Variants in RFC3 observed in about 807,000 individuals in gnomAD.
RFC3 encodes the protein replication factor C subunit 3, also known as A1 38 kDa subunit.
A neutral mutation model predicts 45.1 loss-of-function variants in RFC3; 41 were observed. The ratio of observed to expected loss-of-function variants is 0.91; its 90% CI spans 0.71 to 1.18. The LOEUF (loss-of-function observed/expected upper bound fraction) is 1.18, where lower values mean the gene tolerates loss of function less well. Among genes scored for constraint, RFC3 ranks in the 50% most tolerant of loss-of-function variants. The pLI, the probability that RFC3 is intolerant of heterozygous loss-of-function variation, is 0.00. For missense variants in RFC3, 423 were observed against 428.1 expected, an observed-to-expected ratio of 0.99 and a Z score of 0.10; for synonymous variants, 149 against 144.0, an observed-to-expected ratio of 1.03 and a Z score of -0.25.
chr13:33,820,113 T>C (rs1009535857), intron 1 of RFC3, among the ~76,000 whole-genome samples: 8 of 152,226 alleles, frequency 5.3e-5, no homozygotes, highest in African/African-American at 1.9e-4. Flanking sequence ...CTCCCGAGGC[T>C]AAGGTCTGTC....
chr13:33,900,503 A>G (rs1029275751), intron 8 of RFC3, among the ~76,000 whole-genome samples: 23 of 146,946 alleles, frequency 1.6e-4, no homozygotes, highest in East Asian at 1.0e-3. Flanking sequence ...CTAGATTCCT[A>G]TCTCTGTCTA....
chr13:33,920,799 T>G (rs2137732229), intron 8 of RFC3, among the ~76,000 whole-genome samples: 1 of 152,260 alleles, frequency 6.6e-6, no homozygotes, highest in East Asian at 1.9e-4. Context: ...GTACAGAATC[T>G]TTCTTCTTGG....
chr13:33,879,682 C>T (rs1369492788), intron 8 of RFC3, among the ~76,000 whole-genome samples: 1 of 152,026 alleles, frequency 6.6e-6, no homozygotes, highest in East Asian at 1.9e-4. Context: ...TTTAGGAAAC[C>T]TCTCTATTAG....
At chr13:33,869,941 C>T (rs900261004) in intron 8 of RFC3, among the ~76,000 whole-genome samples, 2 of 152,160 alleles carry the variant, frequency 1.3e-5, no homozygotes, top group African/African-American at 4.8e-5. Flanking sequence ...GTACAAATCT[C>T]GGAGAAAGAA....
intron 8 of RFC3, among the ~76,000 whole-genome samples, chr13:33,864,898 T>G (rs543166621): frequency 2.6e-5 from 4 of 152,262 alleles, no homozygotes; most frequent in Admixed American, 2.0e-4. Context: ...AGTTCTGTCT[T>G]GGACATATGA....
intron 8 of RFC3, among the ~76,000 whole-genome samples, chr13:33,857,968 G>A (rs901333384): frequency 1.9e-4 from 29 of 152,296 alleles, no homozygotes; most frequent in African/African-American, 6.5e-4. Flanking sequence ...CAGAGAAAGC[G>A]TATTTTTAAC....
chr13:33,915,206 A>G (rs1312885348), intron 8 of RFC3, among the ~76,000 whole-genome samples: 2 of 152,188 alleles, frequency 1.3e-5, no homozygotes, highest in East Asian at 1.9e-4. Flanking sequence ...CTGCTTTTCA[A>G]CAAACAGCCT....
rs146048690 is a variant in RFC3 at position 33,910,436 on chromosome 13, C to T, written c.880-55651C>T. Reference sequence around the variant, plus strand: ...ATAGTAAGCACTCATGAATGTTCATCATTGTTATTACTGACAGCTGGCTCA... The same window carrying T: ...ATAGTAAGCACTCATGAATGTTCATTATTGTTATTACTGACAGCTGGCTCA... On this transcript the variant is annotated intron_variant, in intron 8 of 8. Coordinates refer to the RFC3 transcript ENST00000434425. Among the ~76,000 whole-genome samples the T allele has an allele frequency of 2.9e-3, 435 of 152,216 alleles. 1 individual carries two copies. The highest frequency in any genetic ancestry group is 1.0e-2 in the African/African-American group (414 of 41,562).
At chr13:33,895,556 T>G (rs1593673656) in intron 8 of RFC3, among the ~76,000 whole-genome samples, 1 of 152,286 alleles carries the variant, frequency 6.6e-6, no homozygotes, top group East Asian at 1.9e-4. Flanking sequence ...TAAATTAGTG[T>G]AACCTCTATG....
At chr13:33,907,247 T>C (rs2082677310) in intron 8 of RFC3, among the ~76,000 whole-genome samples, 1 of 152,112 alleles carries the variant, frequency 6.6e-6, no homozygotes, top group Non-Finnish European at 1.5e-5. Context: ...CCCTTGCTTT[T>C]GGATTGTGAA....
At chr13:33,865,441 CA>C (rs2137548046) in intron 8 of RFC3, among the ~76,000 whole-genome samples, 1 of 151,020 alleles carries the variant, frequency 6.6e-6, no homozygotes, top group East Asian at 2.0e-4. Flanking sequence ...TGAGAAATTA[CA>C]AAGGCAAACC....
At chr13:33,892,966 G>A (rs2082572884) in intron 8 of RFC3, among the ~76,000 whole-genome samples, 1 of 152,190 alleles carries the variant, frequency 6.6e-6, no homozygotes, top group South Asian at 2.1e-4. Flanking sequence ...AGGTGGACAA[G>A]CAGGTTTTCC....
At chr13:33,934,441 G>A (rs1386495254) in intron 8 of RFC3, among the ~76,000 whole-genome samples, 5 of 152,136 alleles carry the variant, frequency 3.3e-5, no homozygotes, top group African/African-American at 1.2e-4. Context: ...GAACTAAAAA[G>A]AGAAATGCTT....
intron 8 of RFC3, among the ~76,000 whole-genome samples, chr13:33,853,713 T>C (rs1322899658): frequency 6.6e-6 from 1 of 152,062 alleles, no homozygotes; most frequent in East Asian, 1.9e-4. Flanking sequence ...AAGAGGGAAA[T>C]ACATGTTTGT....
chr13:33,969,953 G>A (rs1020130559), downstream of RFC3, among the ~76,000 whole-genome samples: 11 of 150,816 alleles, frequency 7.3e-5, no homozygotes, highest in Admixed American at 6.6e-4. Flanking sequence ...ATGTTCCGGG[G>A]TACATGTACG....
chr13:33,885,534 T>C, intron 8 of RFC3, among the ~76,000 whole-genome samples: 1 of 152,188 alleles, frequency 6.6e-6, no homozygotes, highest in Non-Finnish European at 1.5e-5. Context: ...ATTTGCTAGC[T>C]GTGTTGCTTA....
chr13:33,896,973 A>G (rs920126107), intron 8 of RFC3, among the ~76,000 whole-genome samples: 9 of 152,058 alleles, frequency 5.9e-5, no homozygotes, highest in Non-Finnish European at 1.3e-4. Flanking sequence ...AACTATCTTA[A>G]AAGAAATTAT....
chr13:33,838,291 A>G (rs900955179), downstream of RFC3, among the ~76,000 whole-genome samples: 24 of 151,958 alleles, frequency 1.6e-4, no homozygotes, highest in Non-Finnish European at 3.5e-4. Flanking sequence ...ACTTTTTTTA[A>G]TATTTATGTA....
chr13:33,930,419 C>A (rs1008158494), intron 8 of RFC3, among the ~76,000 whole-genome samples: 4 of 152,094 alleles, frequency 2.6e-5, no homozygotes, highest in Non-Finnish European at 5.9e-5. Context: ...GGGCAAGGAG[C>A]ATCTAGCACA....
Sources: allele counts gnomAD v4.1 joint callset (sites outside exome capture counted in the v4.1 genomes callset), GRCh38; gene constraint gnomAD v4.1.1; transcripts MANE v1.5; gene names NCBI Gene and HGNC (gene_info 2026-07-23, HGNC 2026-07-21).